Variants in KIAA1755 observed in about 807,000 individuals in gnomAD.
KIAA1755 encodes the protein KIAA1755, also known as uncharacterized protein KIAA1755.
In KIAA1755, 68 loss-of-function variants were observed where a neutral mutation model predicts 91.7. That is an observed-to-expected ratio of 0.74 (90% CI 0.61 to 0.91). The LOEUF is 0.91. KIAA1755 is among the 40% of genes least tolerant of loss of function. The pLI, the probability that KIAA1755 is intolerant of heterozygous loss-of-function variation, is 0.00. For synonymous variants in KIAA1755, 610 were observed against 604.6 expected, an observed-to-expected ratio of 1.01 and a Z score of -0.13; for missense variants, 1,535 against 1,494.4, an observed-to-expected ratio of 1.03 and a Z score of -0.45.
intron 1 of KIAA1755, chr20:38,260,260 C>T: frequency 6.5e-7 from 1 of 1,543,998 alleles, no homozygotes; most frequent in Non-Finnish European, 8.7e-7. Context: ...TTTACAAGTA[C>T]AATCTTACTC....
chr20:38,241,540 G>A lies in KIAA1755; in HGVS notation c.591C>T (p.Leu197=). The change falls in exon 3 of 14, where the codon CTC becomes CTT. Residue 197 remains leucine (L), a synonymous_variant. Coordinates refer to ENST00000279024, the MANE Select transcript of KIAA1755 (RefSeq NM_001029864.2). The part of the protein sequence containing the change: ...VDDRPQVVNA[L]CQAWGPLPLE... ...ATGGAAGGGGCCCCCAGGCTTGGCA[G>A]AGGGCATTCACTACTTGGGGTCTGT... 1 of 1,614,268 alleles carries A rather than the reference G, an allele frequency of 6.2e-7. No homozygotes were observed. The highest frequency in any genetic ancestry group is 8.5e-7 in the Non-Finnish European group (1 of 1,180,050).
rs146665662 is a variant in KIAA1755, at chr20:38,213,296, G to C, written c.3349C>G (p.Gln1117Glu). Reference sequence around the variant, plus strand: ...GAGCCTGCCTGGAAAGTTCTGTTCTGTTCCCCTCTGGGGGGCCCAGGAGGC... The same window carrying C: ...GAGCCTGCCTGGAAAGTTCTGTTCTCTTCCCCTCTGGGGGGCCCAGGAGGC... ...YWPPGPPRGE[Q>E]NRTFQAGSPP... Residue 1117 changes from glutamine to glutamate, a missense_variant, in exon 14 of 14, where the codon CAG (glutamine) becomes GAG (glutamate). Transcript: ENST00000279024. The C allele has an allele frequency of 1.2e-6, 2 of 1,613,634 alleles. No individual in the cohort carries two copies. Among genetic ancestry groups the C allele is most frequent in the African/African-American group, 1.3e-5 (1 of 74,930 alleles).
At chr20:38,259,006 C>T (rs192282636) in intron 1 of KIAA1755, among the ~76,000 whole-genome samples, 166 of 152,150 alleles carry the variant, frequency 1.1e-3, no homozygotes, top group African/African-American at 3.8e-3. Context: ...CCATGACCGC[C>T]GAGTGCAGGC....
intron 1 of KIAA1755, among the ~76,000 whole-genome samples, chr20:38,252,652 G>T (rs1321937408): frequency 6.6e-6 from 1 of 152,164 alleles, no homozygotes; most frequent in African/African-American, 2.4e-5. Context: ...GTTTCTAGTA[G>T]AGCCTGAAGA....
chr20:38,240,710 G>C lies in KIAA1755; in HGVS notation c.1421C>G (p.Ser474Ter), dbSNP rs561609091. The change falls in exon 3 of 14, where the codon TCA (serine) becomes TGA (stop). Residue 474 changes from serine (S) to a stop codon, truncating the protein, a stop_gained. Transcript: ENST00000279024. LOFTEE classifies it high-confidence loss of function. ...PEPPTPGLKF[S>*]FLRGQRQPSV... ...GGGTTGCCTCTGCCCTCTCAAGAAT[G>C]AGAATTTGAGCCCAGGAGTGGGGGG... The C allele has an allele frequency of 2.6e-6, 4 of 1,567,482 alleles. No homozygotes were observed. Among genetic ancestry groups the C allele is most frequent in the Non-Finnish European group, 3.5e-6 (4 of 1,157,696 alleles).
intron 5 of KIAA1755, among the ~76,000 whole-genome samples, chr20:38,228,490 C>T (rs1461905883): frequency 1.3e-5 from 2 of 152,210 alleles, no homozygotes; most frequent in Admixed American, 6.5e-5. Context: ...CCTACTATTC[C>T]TAACTCTAGC....
chr20:38,225,293 C>A (rs924058088), intron 8 of KIAA1755, among the ~76,000 whole-genome samples: 3 of 152,190 alleles, frequency 2.0e-5, no homozygotes, highest in African/African-American at 7.2e-5. Context: ...TGAATCACAG[C>A]GCCCGGCCCT....
chr20:38,218,576 C>T (rs763942899), intron 11 of KIAA1755, among the ~76,000 whole-genome samples: 41 of 152,278 alleles, frequency 2.7e-4, no homozygotes, highest in East Asian at 9.6e-4. Flanking sequence ...TTCTTCAAAG[C>T]GGGACCCTGG....
At chr20:38,252,572 T>G (rs2076269800) in intron 1 of KIAA1755, among the ~76,000 whole-genome samples, 1 of 152,158 alleles carries the variant, frequency 6.6e-6, no homozygotes, top group Admixed American at 6.5e-5. Context: ...TTCCCCTGTT[T>G]CCTGCCGCCC....
In KIAA1755 at chr20:38,231,233, T is replaced by C; in HGVS notation, c.1840A>G (p.Lys614Glu). ...APWCTVSEVT[K>E]LLSYLCTIPR... ...ATGGTACACAGGTAGGACAGTAGCT[T>C]GGTGACCTCTGAAACTGTGCACCAT... Residue 614 changes from lysine to glutamate, a missense_variant, in exon 5 of 14, where the codon AAG becomes GAG. Transcript: ENST00000279024. 6.2e-7 allele frequency: 1 copy of C among 1,613,730 alleles called. No individual in the cohort carries two copies. The highest frequency in any genetic ancestry group is 8.5e-7 in the Non-Finnish European group (1 of 1,179,874).
intron 13 of KIAA1755, 179 bp downstream of exon 13, chr20:38,217,074 C>A (rs1278373967): frequency 7.8e-6 from 5 of 639,234 alleles, no homozygotes; most frequent in African/African-American, 5.4e-5. Context: ...TGCCCCCAGC[C>A]AGGGGATGGG....
intron 4 of KIAA1755, among the ~76,000 whole-genome samples, chr20:38,232,840 G>A (rs1239688760): frequency 2.6e-5 from 4 of 152,048 alleles, no homozygotes; most frequent in Admixed American, 6.5e-5. Flanking sequence ...TTAGGGGGCC[G>A]GGTGCAGTGG....
chr20:38,222,577 G>T lies in KIAA1755; in HGVS notation c.2289C>A (p.Ser763Arg). Residue 763 changes from serine (S) to arginine (R), a missense_variant, in exon 10 of 14, where the codon AGC becomes AGA. Coordinates refer to ENST00000279024, the MANE Select transcript of KIAA1755 (RefSeq NM_001029864.2). ...GGMQEATRCLSKSKELMEAVL... is the reference protein window; with the variant it reads ...GGMQEATRCLRKSKELMEAVL... ...CAGCCTCCATCAGCTCCTTGGACTT[G>T]CTCAGGCACCTGGTAGCCTCCTGCC... The T allele has an allele frequency of 1.2e-6, 2 of 1,612,746 alleles. No homozygotes were observed. The highest frequency in any genetic ancestry group is 1.7e-6 in the Non-Finnish European group (2 of 1,179,978).
Position 38,221,946 on chromosome 20 carries a change from A to C in KIAA1755, c.2417+503T>G, listed in dbSNP as rs138718972. Among the ~76,000 whole-genome samples the C allele has an allele frequency of 4.3e-3, 660 of 152,298 alleles. 7 individuals are homozygous for C. The highest frequency in any genetic ancestry group is 0.015 in the African/African-American group (618 of 41,564). On this transcript the variant is annotated intron_variant, in intron 10 of 13. Transcript: ENST00000279024. ...TCTCACAAGTGTGTCTGAGCAGCCT[A>C]CCGGGAAAGGCAGGGCCGGGTAGGG... is the stretch of plus-strand genomic sequence containing the variant.
At chr20:38,230,011 T>A (rs1444593005) in intron 5 of KIAA1755, among the ~76,000 whole-genome samples, 3 of 152,200 alleles carry the variant, frequency 2.0e-5, no homozygotes, top group African/African-American at 7.2e-5. Context: ...GAGGGTTCCA[T>A]CACCTTCCAC....
Position 38,225,707 on chromosome 20 carries a change from G to T in KIAA1755, c.2127C>A (p.Gly709=). Residue 709 remains glycine (G), a synonymous_variant, in exon 8 of 14, where the codon GGC becomes GGA. Transcript: ENST00000279024. ...DPSQLPAVLE[G]PFPYCHTEWV... is the part of the protein sequence containing the mutation. ...ACTCGGTGTGGCAGTAGGGGAAGGG[G>T]CCTTCCAGGACTGCGGGCAGCTGGC... is the stretch of plus-strand genomic sequence containing the variant. 6.2e-7 allele frequency: 1 copy of T among 1,613,098 alleles called. No individual in the cohort carries two copies. Among genetic ancestry groups the T allele is most frequent in the Non-Finnish European group, 8.5e-7 (1 of 1,179,520 alleles).
chr20:38,240,681 C>T lies in KIAA1755; in HGVS notation c.1450G>A (p.Val484Met). 1 of 1,553,710 alleles carries T rather than the reference C, an allele frequency of 6.4e-7. No individual in the cohort carries two copies. Among genetic ancestry groups the T allele is most frequent in the Non-Finnish European group, 8.7e-7 (1 of 1,151,414 alleles). ...TGGAGTGAGGCTTTCTCCGGGGTCA[C>T]AGAGGGTTGCCTCTGCCCTCTCAAG... ...SFLRGQRQPSVTPEKASLQHN... is the reference protein window; with the variant it reads ...SFLRGQRQPSMTPEKASLQHN... The change falls in exon 3 of 14, where the codon GTG becomes ATG. Residue 484 changes from valine to methionine, a missense_variant. Physicochemically the swap from Val to Met is conservative, Grantham distance 21 (BLOSUM62 1). Coordinates refer to ENST00000279024, the MANE Select transcript of KIAA1755 (RefSeq NM_001029864.2).
At chr20:38,256,525 G>A (rs1012543590) in intron 1 of KIAA1755, among the ~76,000 whole-genome samples, 3 of 152,128 alleles carry the variant, frequency 2.0e-5, no homozygotes, top group African/African-American at 4.8e-5. Flanking sequence ...TTTTTTGGCT[G>A]GGTGTGGCGA....
intron 4 of KIAA1755, chr20:38,233,867 T>A (rs1046019193): frequency 1.3e-5 from 2 of 152,170 alleles, no homozygotes; most frequent in Non-Finnish European, 2.9e-5. Context: ...AAGTCTTAAC[T>A]CCCAGTACAT....
Sources: allele counts gnomAD v4.1 joint callset (sites outside exome capture counted in the v4.1 genomes callset), GRCh38; gene constraint gnomAD v4.1.1; transcripts MANE v1.5; gene names NCBI Gene and HGNC (gene_info 2026-07-23, HGNC 2026-07-21).